PAIP2B: variants seen among roughly 807,000 people sequenced by gnomAD.
The protein encoded by PAIP2B is poly(A) binding protein interacting protein 2B.
PAIP2B carries 13 observed loss-of-function variants against 17.0 expected under a neutral mutation model. That is an observed-to-expected ratio of 0.76 (90% CI 0.50 to 1.22). The LOEUF (loss-of-function observed/expected upper bound fraction) is 1.22. Among genes scored for constraint, PAIP2B ranks in the 50% most tolerant of loss-of-function variants. The pLI, the probability that PAIP2B is intolerant of heterozygous loss-of-function variation, is 0.00. For missense variants in PAIP2B, 117 were observed against 144.5 expected (o/e 0.81, Z 0.98); for synonymous variants, 43 against 48.7 (o/e 0.88, Z 0.48).
At position 71,189,901 on chromosome 2, in the gene PAIP2B, G is replaced by T; in HGVS notation, c.259C>A (p.Gln87Lys). The T allele has an allele frequency of 6.3e-7, 1 of 1,578,738 alleles. No homozygotes were observed. The highest frequency in any genetic ancestry group is 8.6e-7 in the Non-Finnish European group (1 of 1,161,856). ...RDLPQAMGQL[Q>K]QQLNGLSVSE... ...ACTGACAGTCCATTTAACTGCTGTT[G>T]CAACTGTCCCATGGCCTGAGGCAGG... Residue 87 changes from glutamine to lysine, a missense_variant, in exon 3 of 4, where the codon CAA becomes AAA. By Grantham distance (53) the Gln-to-Lys change is moderately conservative. Coordinates refer to ENST00000244221, the MANE Select transcript of PAIP2B (RefSeq NM_020459.1).
chr2:71,201,783 A>G (rs1327520069), intron 2 of PAIP2B, among the ~76,000 whole-genome samples: 1 of 152,164 alleles, frequency 6.6e-6, no homozygotes, highest in African/African-American at 2.4e-5. Context: ...TAGAAAAACA[A>G]CCTCACTACC....
At chr2:71,197,821 C>T (rs934216700) in intron 2 of PAIP2B, among the ~76,000 whole-genome samples, 8 of 152,254 alleles carry the variant, frequency 5.3e-5, no homozygotes, top group Middle Eastern at 3.4e-3. Flanking sequence ...CATCAAATCT[C>T]GTGAGACCAA....
intron 1 of PAIP2B, among the ~76,000 whole-genome samples, chr2:71,211,998 C>A (rs1675313871): frequency 6.6e-6 from 1 of 152,166 alleles, no homozygotes; most frequent in Admixed American, 6.6e-5. Flanking sequence ...TAGCAATTAG[C>A]ATATGGTCCT....
intron 1 of PAIP2B, among the ~76,000 whole-genome samples, chr2:71,210,631 A>T (rs749476748): frequency 6.6e-6 from 1 of 152,266 alleles, no homozygotes; most frequent in Non-Finnish European, 1.5e-5. Context: ...CAGGAAAAAG[A>T]GGAAAATCAC....
intron 2 of PAIP2B, among the ~76,000 whole-genome samples, chr2:71,192,462 A>C (rs1289353108): frequency 6.6e-6 from 1 of 150,826 alleles, no homozygotes; most frequent in African/African-American, 2.4e-5. Flanking sequence ...CTTTTTTTTT[A>C]ATTTTAGGTT....
chr2:71,226,004 T>G (rs1004101336), intron 1 of PAIP2B, among the ~76,000 whole-genome samples: 4 of 152,218 alleles, frequency 2.6e-5, no homozygotes, highest in Admixed American at 6.5e-5. Context: ...TTAAGCTGTT[T>G]AAAGTATAAT....
At chr2:71,200,010 C>T (rs747124139) in intron 2 of PAIP2B, among the ~76,000 whole-genome samples, 2 of 152,188 alleles carry the variant, frequency 1.3e-5, no homozygotes, top group African/African-American at 2.4e-5. Context: ...TCCCCCAAAA[C>T]TACATTTCAA....
intron 3 of PAIP2B, 125 bp from the exon 4 acceptor site, chr2:71,188,660 G>T: frequency 2.6e-6 from 2 of 777,408 alleles, no homozygotes; most frequent in Non-Finnish European, 4.3e-6. Flanking sequence ...TGTAACTCAG[G>T]CTGTTATTGC....
chr2:71,202,367 CT>C, intron 2 of PAIP2B, 84 bp downstream of exon 2: 1 of 1,510,762 alleles, frequency 6.6e-7, no homozygotes, highest in Non-Finnish European at 8.9e-7. Flanking sequence ...GTATCCATTT[CT>C]TTTGTAATAA....
At chr2:71,208,247 A>G (rs1675189802) in intron 1 of PAIP2B, among the ~76,000 whole-genome samples, 1 of 152,092 alleles carries the variant, frequency 6.6e-6, no homozygotes, top group African/African-American at 2.4e-5. Context: ...AACATGGTGA[A>G]ACCCCATCCC....
At chr2:71,193,879 A>C (rs1318673301) in intron 2 of PAIP2B, among the ~76,000 whole-genome samples, 1 of 152,086 alleles carries the variant, frequency 6.6e-6, no homozygotes, top group African/African-American at 2.4e-5. Flanking sequence ...TCTTTAATCC[A>C]TCTTGAGTTT....
At chr2:71,205,469 G>A (rs1675101882) in intron 1 of PAIP2B, among the ~76,000 whole-genome samples, 1 of 152,150 alleles carries the variant, frequency 6.6e-6, no homozygotes. Context: ...GTGAACTGGT[G>A]CTTAATGTGC....
At chr2:71,214,418 G>A (rs532743257) in intron 1 of PAIP2B, among the ~76,000 whole-genome samples, 1 of 152,234 alleles carries the variant, frequency 6.6e-6, no homozygotes, top group East Asian at 1.9e-4. Context: ...AGCACATGGT[G>A]GTTTATTTAA....
intron 2 of PAIP2B, among the ~76,000 whole-genome samples, chr2:71,201,581 A>C (rs566101059): frequency 1.7e-4 from 26 of 152,114 alleles, no homozygotes; most frequent in Non-Finnish European, 3.5e-4. Flanking sequence ...AGGTTTTACC[A>C]TGTTGGCCAG....
chr2:71,192,836 C>A (rs182108416), intron 2 of PAIP2B, among the ~76,000 whole-genome samples: 1 of 152,268 alleles, frequency 6.6e-6, no homozygotes, highest in East Asian at 1.9e-4. Flanking sequence ...TCCAGTCTGT[C>A]ACTGATAAAT....
At chr2:71,188,862 TG>T (rs1674609634) in intron 3 of PAIP2B, among the ~76,000 whole-genome samples, 2 of 152,236 alleles carry the variant, frequency 1.3e-5, no homozygotes, top group South Asian at 4.1e-4. Context: ...CAGACCAGGC[TG>T]GATACCACAA....
chr2:71,222,930 G>T (rs527485876), intron 1 of PAIP2B, among the ~76,000 whole-genome samples: 1 of 152,210 alleles, frequency 6.6e-6, no homozygotes, highest in Admixed American at 6.5e-5. Flanking sequence ...AAAAGGAAAT[G>T]TTCTGGAAGT....
chr2:71,196,444 A>C (rs1298427656), intron 2 of PAIP2B, among the ~76,000 whole-genome samples: 1 of 152,106 alleles, frequency 6.6e-6, no homozygotes, highest in African/African-American at 2.4e-5. Context: ...GGTCAATTTT[A>C]AAGTGTGTAC....
chr2:71,208,201 A>G (rs1675188905), intron 1 of PAIP2B, among the ~76,000 whole-genome samples: 1 of 152,154 alleles, frequency 6.6e-6, no homozygotes, highest in South Asian at 2.1e-4. Context: ...AGGGAGGTGG[A>G]TCACTTGAGG....
Sources: allele counts gnomAD v4.1 joint callset (sites outside exome capture counted in the v4.1 genomes callset), GRCh38; gene constraint gnomAD v4.1.1; transcripts MANE v1.5; gene names NCBI Gene and HGNC (gene_info 2026-07-23, HGNC 2026-07-21).